MACROD2: variants seen among roughly 807,000 people sequenced by gnomAD.
MACROD2 encodes the protein mono-ADP ribosylhydrolase 2, also known as ADP-ribose glycohydrolase MACROD2.
Under a neutral mutation model 70.4 loss-of-function variants are expected in MACROD2, and 36 were observed. The ratio of observed to expected loss-of-function variants is 0.51; its 90% confidence interval spans 0.39 to 0.68. MACROD2 has a LOEUF of 0.68. MACROD2 is among the 30% of genes least tolerant of loss of function. MACROD2 has a pLI of 0.00. For missense variants in MACROD2, 496 were observed against 538.4 expected (o/e 0.92, Z 0.78); for synonymous variants, 172 against 178.8 (o/e 0.96, Z 0.30).
At chr20:14,362,528 TAAATGAAGC>T (rs1368888242) in intron 3 of MACROD2, among the ~76,000 whole-genome samples, 1 of 152,194 alleles carries the variant, frequency 6.6e-6, no homozygotes, top group African/African-American at 2.4e-5. Flanking sequence ...AGACGGCTTT[TAAATGAAGC>T]ATTTGTGTAA....
chr20:14,427,159 A>T (rs1293564651), intron 3 of MACROD2, among the ~76,000 whole-genome samples: 2 of 151,784 alleles, frequency 1.3e-5, no homozygotes, highest in African/African-American at 4.8e-5. Context: ...AAACGGTGAA[A>T]CTTTTATAAT....
At chr20:14,767,725 T>C (rs185137096) in intron 5 of MACROD2, among the ~76,000 whole-genome samples, 3 of 152,076 alleles carry the variant, frequency 2.0e-5, no homozygotes, top group South Asian at 2.1e-4. Flanking sequence ...CGTGTCATGG[T>C]GGTTTGCCGC....
chr20:15,568,616 A>G (rs886592603), intron 8 of MACROD2, among the ~76,000 whole-genome samples: 23 of 152,310 alleles, frequency 1.5e-4, no homozygotes, highest in East Asian at 3.9e-4. Context: ...ACTCATGCTT[A>G]TGGCCCTTTG....
At chr20:14,576,933 T>C (rs551750151) in intron 4 of MACROD2, among the ~76,000 whole-genome samples, 57 of 152,354 alleles carry the variant, frequency 3.7e-4, no homozygotes, top group African/African-American at 1.4e-3. Flanking sequence ...TTTATAAATA[T>C]ACCTAATAGT....
chr20:14,509,802 A>C (rs1022536697), intron 4 of MACROD2, among the ~76,000 whole-genome samples: 1 of 151,964 alleles, frequency 6.6e-6, no homozygotes, highest in East Asian at 1.9e-4. Context: ...TTAAGATTTC[A>C]TGTTAATATA....
At chr20:15,758,432 G>T (rs2051381880) in intron 8 of MACROD2, among the ~76,000 whole-genome samples, 1 of 151,196 alleles carries the variant, frequency 6.6e-6, no homozygotes, top group African/African-American at 2.4e-5. Context: ...TAGACACGGG[G>T]TTTCACCATG....
intron 3 of MACROD2, among the ~76,000 whole-genome samples, chr20:14,455,253 A>G (rs2122998208): frequency 6.6e-6 from 1 of 151,976 alleles, no homozygotes; most frequent in Admixed American, 6.5e-5. Flanking sequence ...TGAAAACTTT[A>G]TTTACTCTCA....
chr20:14,255,312 A>G (rs1432105982), intron 3 of MACROD2, among the ~76,000 whole-genome samples: 2 of 152,158 alleles, frequency 1.3e-5, no homozygotes, highest in East Asian at 3.8e-4. Flanking sequence ...AGGCTGGATT[A>G]AGAAAATGTG....
intron 3 of MACROD2, among the ~76,000 whole-genome samples, chr20:14,431,781 G>A (rs2083997218): frequency 6.6e-6 from 1 of 152,098 alleles, no homozygotes; most frequent in Non-Finnish European, 1.5e-5. Flanking sequence ...GACTGAAAGT[G>A]GTTTATCAGA....
intron 5 of MACROD2, among the ~76,000 whole-genome samples, chr20:15,090,072 G>C (rs1166986106): frequency 1.3e-5 from 2 of 152,058 alleles, no homozygotes; most frequent in African/African-American, 2.4e-5. Context: ...AAATCACACA[G>C]GATTTGGTCT....
At chr20:14,446,529 AC>A (rs780850583) in intron 3 of MACROD2, among the ~76,000 whole-genome samples, 42 of 152,028 alleles carry the variant, frequency 2.8e-4, no homozygotes, top group Non-Finnish European at 4.1e-4. Flanking sequence ...GAACTTTGGG[AC>A]CCCATTTCAA....
chr20:15,272,916 C>T (rs1313139437), intron 6 of MACROD2, among the ~76,000 whole-genome samples: 1 of 152,136 alleles, frequency 6.6e-6, no homozygotes, highest in African/African-American at 2.4e-5. Flanking sequence ...TAATTAGTCT[C>T]GACTTGTCCT....
At chr20:14,696,111 A>G (rs545716899) in intron 5 of MACROD2, among the ~76,000 whole-genome samples, 2 of 152,170 alleles carry the variant, frequency 1.3e-5, no homozygotes, top group Non-Finnish European at 2.9e-5. Context: ...GCCCTTTGCC[A>G]TACCATTATC....
chr20:14,941,753 A>G (rs574005602), intron 5 of MACROD2, among the ~76,000 whole-genome samples: 1 of 151,506 alleles, frequency 6.6e-6, no homozygotes, highest in Non-Finnish European at 1.5e-5. Flanking sequence ...TTTAGTTAGC[A>G]TCAAGATTCT....
rs781633669 is a variant in MACROD2 at position 14,326,828 on chromosome 20, A to G, written c.272-166651A>G. On this transcript the variant is annotated intron_variant, in intron 3 of 17. Transcript: ENST00000684519. The surrounding 1 kb of genome is among the most constrained non-coding windows in gnomAD (Gnocchi z 5.5). ...TTCCGCACCAGGGACAGCTCTGTCA[A>G]ATTAACTAGGTTGAAGAAAACTTTG... 19 of 1,613,760 alleles carry G rather than the reference A, an allele frequency of 1.2e-5. No homozygotes were observed. The East Asian group carries it at 4.0e-4, about 34-fold the overall frequency.
At chr20:14,626,545 T>G (rs1244577758) in intron 4 of MACROD2, among the ~76,000 whole-genome samples, 1 of 152,124 alleles carries the variant, frequency 6.6e-6, no homozygotes, top group East Asian at 1.9e-4. Context: ...TGGGCTATGT[T>G]TACCTAGAAT....
intron 10 of MACROD2, among the ~76,000 whole-genome samples, chr20:15,930,828 A>G (rs1010193648): frequency 2.0e-5 from 3 of 152,222 alleles, no homozygotes; most frequent in Non-Finnish European, 1.5e-5. Context: ...GCTGGATTTC[A>G]GGGTCTGACC....
At chr20:14,302,159 A>G (rs986040256) in intron 3 of MACROD2, among the ~76,000 whole-genome samples, 1 of 152,166 alleles carries the variant, frequency 6.6e-6, no homozygotes, top group Non-Finnish European at 1.5e-5. Flanking sequence ...AAATCTAGAT[A>G]TCATCATGCT....
chr20:15,921,231 T>G (rs1210841884), intron 10 of MACROD2, among the ~76,000 whole-genome samples: 1 of 152,158 alleles, frequency 6.6e-6, no homozygotes, highest in Admixed American at 6.5e-5. Context: ...CGTTGTCTGC[T>G]CCAGCCGTAC....
Sources: allele counts gnomAD v4.1 joint callset (sites outside exome capture counted in the v4.1 genomes callset), GRCh38; gene constraint gnomAD v4.1.1; non-coding constraint Gnocchi (gnomAD v3.1); transcripts MANE v1.5; gene names NCBI Gene and HGNC (gene_info 2026-07-23, HGNC 2026-07-21).